Variants in TLR4 observed in about 807,000 individuals in gnomAD.
TLR4 encodes the protein toll like receptor 4, also known as toll-like receptor 4.
Under a neutral mutation model 27.4 loss-of-function variants are expected in TLR4, and 17 were observed. That is an observed-to-expected ratio of 0.62 (90% CI 0.42 to 0.93). The LOEUF (loss-of-function observed/expected upper bound fraction) is 0.93. TLR4 is among the 40% of genes least tolerant of loss of function. The probability of loss-of-function intolerance (pLI) is 0.00; values close to 1 mark genes in which losing one functional copy is unlikely to be tolerated. For synonymous variants in TLR4, 363 were observed against 365.7 expected, an observed-to-expected ratio of 0.99 and a Z score of 0.08; for missense variants, 926 against 962.3, an observed-to-expected ratio of 0.96 and a Z score of 0.50.
Position 117,709,979 on chromosome 9 carries a change from G to A in TLR4, c.260+1250G>A, listed in dbSNP as rs144882633. Among the ~76,000 whole-genome samples, 421 of 152,024 alleles carry A rather than the reference G, an allele frequency of 2.8e-3. 2 individuals are homozygous for A. Among genetic ancestry groups the A allele is most frequent in the African/African-American group, 9.4e-3 (389 of 41,502 alleles). ...TGAAACTTATTCTGCTGGATTAAAT[G>A]TGATAATAAATATTAATATGCTGTA... On this transcript the variant is annotated intron_variant, in intron 2 of 2. Coordinates refer to ENST00000355622, the MANE Select transcript of TLR4 (RefSeq NM_138554.5).
At position 117,712,998 on chromosome 9, in the gene TLR4, A is replaced by G; in HGVS notation, c.870A>G (p.Leu290=). ...LCNLTIEEFR[L]AYLDYYLDDI... ...ATTTGACCATTGAAGAATTCCGATT[A>G]GCATACTTAGACTACTACCTCGATG... The change falls in exon 3 of 3, where the codon TTA becomes TTG. Residue 290 remains leucine, a synonymous_variant. Transcript: ENST00000355622. 1 of 1,614,116 alleles carries G rather than the reference A, an allele frequency of 6.2e-7. No homozygotes were observed. Among genetic ancestry groups the G allele is most frequent in the Non-Finnish European group, 8.5e-7 (1 of 1,179,966 alleles).
intron 1 of TLR4, chr9:117,708,318 G>T: frequency 7.7e-7 from 1 of 1,301,072 alleles, no homozygotes; most frequent in East Asian, 3.5e-5. Flanking sequence ...TTATCACGGA[G>T]GTTAGAATGC....
Position 117,713,947 on chromosome 9 carries a change from A to G in TLR4, c.1819A>G (p.Met607Val). 1 of 1,614,024 alleles carries G rather than the reference A, an allele frequency of 6.2e-7. No homozygotes were observed. The highest frequency in any genetic ancestry group is 8.5e-7 in the Non-Finnish European group (1 of 1,180,002). The stretch of plus-strand genomic sequence containing the variant: ...GCAGCTCTTGGTGGAAGTTGAACGA[A>G]TGGAATGTGCAACACCTTCAGATAA... ...QRQLLVEVERMECATPSDKQG... is the reference protein window; with the variant it reads ...QRQLLVEVERVECATPSDKQG... The change falls in exon 3 of 3, where the codon ATG becomes GTG. Residue 607 changes from methionine (M) to valine (V), a missense_variant. Coordinates refer to ENST00000355622, the MANE Select transcript of TLR4 (RefSeq NM_138554.5).
In TLR4 at chr9:117,716,785, G is replaced by A. The variant is rs569730860; in HGVS notation, c.*2137G>A. On this transcript the variant is annotated 3_prime_UTR_variant, in exon 3 of 3. Transcript: ENST00000355622. ...AGGTGATGGATATATTTATTACCTT[G>A]ATTGTGGTGATGGTTTGACAGGTAT... The A allele has an allele frequency of 3.9e-5, 6 of 152,282 alleles. No individual in the cohort carries two copies. The highest frequency in any genetic ancestry group is 3.3e-4 in the Admixed American group (5 of 15,296). The allele number at this position is 152,282 out of a possible 1,614,324, so 9.4% of individuals were successfully genotyped here. A position where few individuals can be genotyped will look rare whatever the true frequency, so the allele number is the denominator to read the frequency against.
Position 117,720,021 on chromosome 9 carries a change from C to T in TLR4, c.*5373C>T, listed in dbSNP as rs952065591. ...TTATATTAATCACAATAACATTTGC[C>T]GCACCTTCTGTATTTTTTTTAAGTT... On this transcript the variant is annotated 3_prime_UTR_variant, in exon 3 of 3. Coordinates refer to ENST00000355622, the MANE Select transcript of TLR4 (RefSeq NM_138554.5). 3.3e-5 allele frequency: 5 copies of T among 152,038 alleles called. No homozygotes were observed. Among genetic ancestry groups the T allele is most frequent in the Non-Finnish European group, 7.3e-5 (5 of 68,034 alleles). 9.4% of individuals were successfully genotyped at this position (152,038 alleles called of 1,614,324 possible). A position where few individuals can be genotyped will look rare whatever the true frequency, so the allele number is the denominator to read the frequency against.
In TLR4 at chr9:117,722,666, A is replaced by G. The variant is rs7868859; in HGVS notation, c.*8018A>G. 60,257 of 152,116 alleles carry G rather than the reference A, an allele frequency of 0.4. 15,417 individuals are homozygous for G. The highest frequency in any genetic ancestry group is 0.74 in the African/African-American group (30,549 of 41,478). 9.4% of individuals were successfully genotyped at this position (152,116 alleles called of 1,614,324 possible). ...TTAACAGCTGAGATCAGATAAGTGA[A>G]CAGCGATAGAGGTAGTGAGGTTTAG... On this transcript the variant is annotated 3_prime_UTR_variant, in exon 3 of 3. Transcript: ENST00000355622.
At position 117,712,617 on chromosome 9, in the gene TLR4, A is replaced by G. The variant is rs5030712; in HGVS notation, c.489A>G (p.Gln163=). ...TTAATGTGGCTCACAATCTTATCCA[A>G]TCTTTCAAATTACCTGAGTATTTTT... The part of the protein sequence containing the change: ...KELNVAHNLI[Q]SFKLPEYFSN... The change falls in exon 3 of 3, where the codon CAA becomes CAG. Residue 163 remains glutamine (Q), a synonymous_variant. Transcript: ENST00000355622. 5.6e-4 allele frequency: 910 copies of G among 1,613,998 alleles called. 7 individuals carry two copies. In the African/African-American group the frequency reaches 9.8e-3, roughly 17 times the overall value.
rs960955565 is a variant in TLR4 at position 117,719,781 on chromosome 9, A to T, written c.*5133A>T. The T allele has an allele frequency of 1.3e-5, 2 of 152,182 alleles. No homozygotes were observed. Among genetic ancestry groups the T allele is most frequent in the Admixed American group, 1.3e-4 (2 of 15,280 alleles). 9.4% of individuals were successfully genotyped at this position (152,182 alleles called of 1,614,324 possible). A position where few individuals can be genotyped will look rare whatever the true frequency, so the allele number is the denominator to read the frequency against. On this transcript the variant is annotated 3_prime_UTR_variant, in exon 3 of 3. Transcript: ENST00000355622. ...CCAGATGGTTGGAATAAGATCACAC[A>T]CTCTGGCTGCCCTTATGGAGATCAC...
chr9:117,708,761 G>A (rs1276704337), intron 2 of TLR4, 32 bp downstream of exon 2: 5 of 1,612,938 alleles, frequency 3.1e-6, no homozygotes, highest in East Asian at 2.2e-5. Context: ...ACTGCACAAG[G>A]TGAGGTGTTC....
At position 117,721,447 on chromosome 9, in the gene TLR4, T is replaced by A. The variant is rs951118701; in HGVS notation, c.*6799T>A. 1.3e-5 allele frequency: 2 copies of A among 152,250 alleles called. No individual in the cohort carries two copies. The highest frequency in any genetic ancestry group is 4.8e-5 in the African/African-American group (2 of 41,464). 9.4% of individuals were successfully genotyped at this position (152,250 alleles called of 1,614,324 possible). ...TTCTAGCCTCTTTTTGCAAACTTCATTTTGACAAAGAATTCCAGGCAGTCT... is the reference window on the plus strand; with the variant it reads ...TTCTAGCCTCTTTTTGCAAACTTCAATTTGACAAAGAATTCCAGGCAGTCT... On this transcript the variant is annotated 3_prime_UTR_variant, in exon 3 of 3. Transcript: ENST00000355622.
At position 117,715,571 on chromosome 9, in the gene TLR4, G is replaced by A. The variant is rs550411148; in HGVS notation, c.*923G>A. 1 of 152,316 alleles carries A rather than the reference G, an allele frequency of 6.6e-6. No homozygotes were observed. The highest frequency in any genetic ancestry group is 6.5e-5 in the Admixed American group (1 of 15,298). 9.4% of individuals were successfully genotyped at this position (152,316 alleles called of 1,614,324 possible). The stretch of plus-strand genomic sequence containing the variant: ...GACAATTTGGGCTAGAGGCAGGAAG[G>A]AAGTGGGATGACCTCAGGAGGTCAC... On this transcript the variant is annotated 3_prime_UTR_variant, in exon 3 of 3. Transcript: ENST00000355622.
chr9:117,710,307 G>A (rs1416337872), intron 2 of TLR4, among the ~76,000 whole-genome samples: 1 of 149,544 alleles, frequency 6.7e-6, no homozygotes, highest in Admixed American at 6.8e-5. Flanking sequence ...TATAAAGTGA[G>A]AACTCATGGT....
At position 117,713,731 on chromosome 9, in the gene TLR4, T is replaced by C. The variant is rs202016351; in HGVS notation, c.1603T>C (p.Leu535=). The change falls in exon 3 of 3, where the codon TTG becomes CTG. Residue 535 remains leucine (L), a synonymous_variant. Transcript: ENST00000355622. ...TATGAGCCACAACAACTTCTTTTCA[T>C]TGGATACGTTTCCTTATAAGTGTCT... The part of the protein sequence containing the change: ...LNMSHNNFFS[L]DTFPYKCLNS... The C allele has an allele frequency of 3.7e-6, 6 of 1,614,030 alleles. No homozygotes were observed. Among genetic ancestry groups the C allele is most frequent in the East Asian group, 4.5e-5 (2 of 44,862 alleles).
rs1201861714 is a variant in TLR4 at position 117,714,945 on chromosome 9, A to G, written c.*297A>G. On this transcript the variant is annotated 3_prime_UTR_variant, in exon 3 of 3. Transcript: ENST00000355622. The stretch of plus-strand genomic sequence containing the variant: ...CATCAAGTTGAATAAAGACAGAGAA[A>G]ACAGAAAGAGACATTGTTCTTTTCC... 1.1e-5 allele frequency: 5 copies of G among 435,030 alleles called. No individual in the cohort carries two copies. The allele number at this position is 435,030 out of a possible 1,614,324, so 26.9% of individuals were successfully genotyped here. A position where few individuals can be genotyped will look rare whatever the true frequency, so the allele number is the denominator to read the frequency against.
At position 117,716,485 on chromosome 9, in the gene TLR4, T is replaced by G. The variant is rs1829350090; in HGVS notation, c.*1837T>G. On this transcript the variant is annotated 3_prime_UTR_variant, in exon 3 of 3. Transcript: ENST00000355622. ...AACAGAAAGACAAATACTGCCTGATTTCATTTATATGAGGTTCTAAAATAG... is the reference window on the plus strand; with the variant it reads ...AACAGAAAGACAAATACTGCCTGATGTCATTTATATGAGGTTCTAAAATAG... The G allele has an allele frequency of 1.3e-5, 2 of 152,192 alleles. No homozygotes were observed. The highest frequency in any genetic ancestry group is 4.1e-4 in the South Asian group (2 of 4,836). 9.4% of individuals were successfully genotyped at this position (152,192 alleles called of 1,614,324 possible). A position where few individuals can be genotyped will look rare whatever the true frequency, so the allele number is the denominator to read the frequency against.
chr9:117,708,510 G>A, intron 1 of TLR4, 53 bp from the exon 2 acceptor site: 2 of 1,612,136 alleles, frequency 1.2e-6, no homozygotes, highest in South Asian at 1.1e-5. Flanking sequence ...TAGGAGAGGG[G>A]AGTTGGGAGA....
Position 117,714,479 on chromosome 9 carries a change from A to G in TLR4, c.2351A>G (p.Glu784Gly). 1 of 1,613,782 alleles carries G rather than the reference A, an allele frequency of 6.2e-7. No homozygotes were observed. Among genetic ancestry groups the G allele is most frequent in the Non-Finnish European group, 8.5e-7 (1 of 1,179,998 alleles). Residue 784 changes from glutamate (E) to glycine (G), a missense_variant, in exon 3 of 3, where the codon GAG (glutamate) becomes GGG (glycine). Coordinates refer to ENST00000355622, the MANE Select transcript of TLR4 (RefSeq NM_138554.5). ...AAGACCCTGCTCAGGCAGCAGGTGG[A>G]GCTGTACCGCCTTCTCAGCAGGAAC... ...VEKTLLRQQV[E>G]LYRLLSRNTY... is the part of the protein sequence containing the mutation.
intron 2 of TLR4, among the ~76,000 whole-genome samples, chr9:117,709,170 G>A (rs1259834792): frequency 6.6e-6 from 1 of 152,116 alleles, no homozygotes; most frequent in African/African-American, 2.4e-5. Flanking sequence ...TGGGTACATA[G>A]TATATAGTCA....
In TLR4 at chr9:117,713,125, C is replaced by G; in HGVS notation, c.997C>G (p.Gln333Glu). 6.2e-7 allele frequency: 1 copy of G among 1,612,232 alleles called. No homozygotes were observed. The highest frequency in any genetic ancestry group is 8.5e-7 in the Non-Finnish European group (1 of 1,178,824). Residue 333 changes from glutamine (Q) to glutamate (E), a missense_variant, in exon 3 of 3, where the codon CAA (glutamine) becomes GAA (glutamate). Gln to Glu is a conservative substitution (Grantham distance 29, BLOSUM62 2). Transcript: ENST00000355622. ...VKDFSYNFGW[Q>E]HLELVNCKFG... ...AGACTTTTCTTATAATTTCGGATGG[C>G]AACATTTAGAATTAGTTAACTGTAA...
Sources: allele counts gnomAD v4.1 joint callset (sites outside exome capture counted in the v4.1 genomes callset), GRCh38; gene constraint gnomAD v4.1.1; transcripts MANE v1.5; gene names NCBI Gene and HGNC (gene_info 2026-07-23, HGNC 2026-07-21).